FOXN3: variants seen among roughly 807,000 people sequenced by gnomAD.
FOXN3 encodes forkhead box protein N3.
A neutral mutation model predicts 38.4 loss-of-function variants in FOXN3; 7 were observed. The observed-to-expected ratio is 0.18, with a 90% CI of 0.10 to 0.34. The LOEUF (loss-of-function observed/expected upper bound fraction) is 0.34. Ranked by LOEUF, FOXN3 falls within the 10% of genes least tolerant of loss-of-function variation. The probability of loss-of-function intolerance (pLI) is 1.00; values close to 1 mark genes in which losing one functional copy is unlikely to be tolerated. For synonymous variants in FOXN3, 230 were observed against 242.2 expected (o/e 0.95, Z 0.47); for missense variants, 456 against 613.4 (o/e 0.74, Z 2.71).
chr14:89,270,404 T>C (rs112991280), intron 4 of FOXN3, among the ~76,000 whole-genome samples: 1 of 152,238 alleles, frequency 6.6e-6, no homozygotes, highest in Non-Finnish European at 1.5e-5. Context: ...ATAAGCATCA[T>C]TAATTCTATT....
chr14:89,385,428 G>GT (rs1231645600), intron 2 of FOXN3, among the ~76,000 whole-genome samples: 1 of 147,496 alleles, frequency 6.8e-6, no homozygotes, highest in East Asian at 2.0e-4. Context: ...TTAATTATAG[G>GT]TAAAGCCATC....
At chr14:89,362,473 ACCACCACCACCACCACCACCACCATCT>A (rs1440407003) in intron 2 of FOXN3, among the ~76,000 whole-genome samples, 2 of 1,120 alleles carry the variant, frequency 1.8e-3, no homozygotes, top group Non-Finnish European at 4.5e-3. Flanking sequence ...CTCCTCCTCC[ACCACCACCACCACCACCACCACCATCT>A]CCACCACCAC....
At chr14:89,437,214 T>G (rs1047479311) in intron 1 of FOXN3, among the ~76,000 whole-genome samples, 6 of 151,554 alleles carry the variant, frequency 4.0e-5, no homozygotes, top group African/African-American at 1.5e-4. Flanking sequence ...TATGGCTTAA[T>G]GTCTAAATGT....
chr14:89,179,817 T>C (rs1887616613), intron 5 of FOXN3, among the ~76,000 whole-genome samples: 1 of 152,168 alleles, frequency 6.6e-6, no homozygotes, highest in South Asian at 2.1e-4. Context: ...CGTGCTGCCT[T>C]ACATATGAGG....
intron 3 of FOXN3, among the ~76,000 whole-genome samples, chr14:89,282,538 T>C (rs2182472): frequency 0.53 from 80,162 of 152,052 alleles, 21,549 homozygotes; most frequent in East Asian, 0.67. Flanking sequence ...ATTAAAATAC[T>C]TAAGATTATC....
intron 1 of FOXN3, among the ~76,000 whole-genome samples, chr14:89,557,397 T>C (rs1895148349): frequency 6.6e-6 from 1 of 152,142 alleles, no homozygotes; most frequent in African/African-American, 2.4e-5. Context: ...TCCTGTCCCA[T>C]ACATAAGGTG....
chr14:89,278,011 C>A (rs1323218087), intron 4 of FOXN3, among the ~76,000 whole-genome samples: 1 of 152,186 alleles, frequency 6.6e-6, no homozygotes, highest in Non-Finnish European at 1.5e-5. Flanking sequence ...GACAGCCCCT[C>A]TGCTCCCACC....
intron 3 of FOXN3, among the ~76,000 whole-genome samples, chr14:89,312,813 C>T (rs1218379982): frequency 6.6e-6 from 1 of 152,134 alleles, no homozygotes; most frequent in Non-Finnish European, 1.5e-5. Context: ...AAAGACAGGA[C>T]CACAGAGGTT....
At chr14:89,305,141 G>A (rs1452819075) in intron 3 of FOXN3, among the ~76,000 whole-genome samples, 2 of 151,972 alleles carry the variant, frequency 1.3e-5, no homozygotes, top group South Asian at 2.1e-4. Context: ...GCACCAGGAC[G>A]GATCACACAG....
intron 4 of FOXN3, among the ~76,000 whole-genome samples, chr14:89,231,035 C>T (rs1884792282): frequency 1.3e-5 from 2 of 152,124 alleles, no homozygotes; most frequent in Admixed American, 6.5e-5. Flanking sequence ...AACATCCCAC[C>T]CATCTCACCT....
intron 4 of FOXN3, among the ~76,000 whole-genome samples, chr14:89,217,457 G>A (rs1221925587): frequency 6.6e-6 from 1 of 152,116 alleles, no homozygotes; most frequent in Non-Finnish European, 1.5e-5. Context: ...GTTTTTATGT[G>A]TTCTTCACCT....
chr14:89,586,506 C>T (rs1008456425), intron 1 of FOXN3, among the ~76,000 whole-genome samples: 10 of 152,134 alleles, frequency 6.6e-5, no homozygotes, highest in Non-Finnish European at 1.0e-4. Context: ...CATACTGTCT[C>T]CAGAAATAAG....
chr14:89,340,390 T>A (rs897512522), intron 3 of FOXN3, among the ~76,000 whole-genome samples: 17 of 152,192 alleles, frequency 1.1e-4, no homozygotes, highest in Non-Finnish European at 1.5e-4. Flanking sequence ...GGATTTTTTT[T>A]AATGTGTCTC....
At chr14:89,488,931 T>G (rs1893511328) in intron 1 of FOXN3, among the ~76,000 whole-genome samples, 1 of 152,196 alleles carries the variant, frequency 6.6e-6, no homozygotes, top group Non-Finnish European at 1.5e-5. Flanking sequence ...ACAGTTAAAT[T>G]AATACATCTC....
intron 1 of FOXN3, among the ~76,000 whole-genome samples, chr14:89,560,137 G>A (rs1395707299): frequency 6.6e-6 from 1 of 152,188 alleles, no homozygotes; most frequent in Non-Finnish European, 1.5e-5. Flanking sequence ...AGAGAGGAGA[G>A]AGAGAAGGGG....
intron 4 of FOXN3, among the ~76,000 whole-genome samples, chr14:89,259,515 T>C (rs1189900014): frequency 1.3e-5 from 2 of 152,244 alleles, no homozygotes; most frequent in African/African-American, 2.4e-5. Context: ...CTTGGGTTTC[T>C]TGCCTTTATT....
intron 1 of FOXN3, among the ~76,000 whole-genome samples, chr14:89,467,438 A>G (rs1211195572): frequency 6.6e-6 from 1 of 152,126 alleles, no homozygotes; most frequent in Non-Finnish European, 1.5e-5. Flanking sequence ...ACAATTACTG[A>G]TGACATATTT....
At chr14:89,336,748 T>A (rs1286330563) in intron 3 of FOXN3, among the ~76,000 whole-genome samples, 1 of 152,250 alleles carries the variant, frequency 6.6e-6, no homozygotes, top group Non-Finnish European at 1.5e-5. Context: ...AATTTAAAAT[T>A]CTTTACAGTC....
chr14:89,207,642 G>T (rs1429366146), intron 4 of FOXN3, among the ~76,000 whole-genome samples: 3 of 152,102 alleles, frequency 2.0e-5, no homozygotes, highest in African/African-American at 7.2e-5. Flanking sequence ...GTATACAAGG[G>T]TTCATGATTC....
Sources: gnomAD v4.1 joint callset for allele counts (sites outside exome capture counted in the v4.1 genomes callset) on GRCh38, gnomAD v4.1.1 for gene constraint, MANE v1.5 for transcripts, NCBI Gene and HGNC (gene_info 2026-07-23, HGNC 2026-07-21) for gene names.